Variants in SLC60A1 observed in about 807,000 individuals in gnomAD.
The protein encoded by SLC60A1 is major facilitator superfamily domain containing 4.
chr1:205,580,640 C>CCCCCT, the SLC60A1 span: 1 of 1,588,070 alleles, frequency 6.3e-7, no homozygotes, highest in Non-Finnish European at 8.6e-7. This position sits in a 1 kb window ranked among gnomAD's most constrained non-coding sequence, Gnocchi z 5.0. Context: ...CCCCCACCCG[C>CCCCCT]CACCTCTCCT....
At chr1:205,598,934 C>T in the SLC60A1 span, 1 of 664,916 alleles carries the variant, frequency 1.5e-6, no homozygotes, top group South Asian at 1.9e-5. Context: ...TGCCTTAGAG[C>T]AGGACTTCGG....
At chr1:205,596,648 A>T in the SLC60A1 span, among the ~76,000 whole-genome samples, 2 of 148,866 alleles carry the variant, frequency 1.3e-5, no homozygotes, top group South Asian at 4.4e-4. Flanking sequence ...TGTGTGCTGA[A>T]GCCTGGAGGT....
the SLC60A1 span, among the ~76,000 whole-genome samples, chr1:205,591,869 C>T: frequency 2.0e-5 from 3 of 152,198 alleles, no homozygotes; most frequent in African/African-American, 7.2e-5. Flanking sequence ...CAAATGCTTA[C>T]GCAGCGTGTA....
chr1:205,597,769 CTT>C, the SLC60A1 span: 2 of 1,613,794 alleles, frequency 1.2e-6, no homozygotes, highest in Non-Finnish European at 1.7e-6. Flanking sequence ...CAAACCTTCT[CTT>C]TTTGTTAGGC....
the SLC60A1 span, among the ~76,000 whole-genome samples, chr1:205,590,872 A>G: frequency 1.4e-4 from 22 of 152,198 alleles, no homozygotes; most frequent in African/African-American, 5.1e-4. Flanking sequence ...TGTCTGAAGC[A>G]CCACAGTTTA....
At chr1:205,590,832 A>G in the SLC60A1 span, among the ~76,000 whole-genome samples, 2 of 152,188 alleles carry the variant, frequency 1.3e-5, no homozygotes, top group African/African-American at 4.8e-5. Flanking sequence ...GTCTAAGAAA[A>G]GCCCACAGAG....
At chr1:205,575,932 G>T in the SLC60A1 span, among the ~76,000 whole-genome samples, 1 of 152,268 alleles carries the variant, frequency 6.6e-6, no homozygotes, top group East Asian at 1.9e-4. Context: ...CTGCCACTCT[G>T]CTGGCTTTGC....
At chr1:205,598,657 A>G in the SLC60A1 span, 2 of 157,740 alleles carry the variant, frequency 1.3e-5, no homozygotes, top group African/African-American at 4.8e-5. Context: ...AACCTAGTGC[A>G]GAAAAGAAGT....
At chr1:205,597,826 G>A in the SLC60A1 span, 1 of 1,614,050 alleles carries the variant, frequency 6.2e-7, no homozygotes, top group Non-Finnish European at 8.5e-7. Flanking sequence ...TTGGCGAGAT[G>A]GTGCTGCAGA....
At chr1:205,600,855 T>C in the SLC60A1 span, 2 of 163,354 alleles carry the variant, frequency 1.2e-5, no homozygotes, top group South Asian at 1.8e-4. Flanking sequence ...TTGCTATATG[T>C]AGATATATTT....
the SLC60A1 span, chr1:205,591,995 C>T: frequency 1.4e-4 from 154 of 1,138,716 alleles, no homozygotes; most frequent in Admixed American, 1.2e-3. Flanking sequence ...CCGCCTGGTC[C>T]ACGGGGTGGC....
the SLC60A1 span, chr1:205,601,497 T>A: frequency 1.3e-5 from 2 of 152,240 alleles, no homozygotes; most frequent in African/African-American, 2.4e-5. Context: ...TCCATTTTTT[T>A]CTACTGACAT....
the SLC60A1 span, among the ~76,000 whole-genome samples, chr1:205,570,513 TG>T: frequency 6.6e-6 from 1 of 152,244 alleles, no homozygotes. Flanking sequence ...CTTCCAGAGC[TG>T]GTGGAAGGAG....
At chr1:205,580,626 C>T in the SLC60A1 span, 1 of 1,592,262 alleles carries the variant, frequency 6.3e-7, no homozygotes, top group Non-Finnish European at 8.6e-7. The surrounding 1 kb of genome is among the most constrained non-coding windows in gnomAD (Gnocchi z 5.0). Context: ...AAGACTGACC[C>T]CCACCCCCAC....
the SLC60A1 span, chr1:205,584,900 G>A: frequency 6.2e-7 from 1 of 1,614,108 alleles, no homozygotes; most frequent in Non-Finnish European, 8.5e-7. Context: ...TTCAGCTGCT[G>A]CCAAAGGAAG....
the SLC60A1 span, chr1:205,583,849 G>C: frequency 3.6e-6 from 5 of 1,390,506 alleles, no homozygotes; most frequent in Non-Finnish European, 4.8e-6. Context: ...CCTTAGAAAA[G>C]AGCTGTCTTC....
chr1:205,589,072 A>C, the SLC60A1 span, among the ~76,000 whole-genome samples: 2 of 151,970 alleles, frequency 1.3e-5, no homozygotes, highest in Non-Finnish European at 1.5e-5. Context: ...AACTTCCCCA[A>C]ATTTAGGGAT....
At chr1:205,593,310 A>C in the SLC60A1 span, among the ~76,000 whole-genome samples, 1 of 151,540 alleles carries the variant, frequency 6.6e-6, no homozygotes, top group East Asian at 1.9e-4. Context: ...CTCTACTAAA[A>C]ATACAAAAAA....
At chr1:205,569,111 C>T in the SLC60A1 span, 1 of 1,521,128 alleles carries the variant, frequency 6.6e-7, no homozygotes, top group Non-Finnish European at 8.8e-7. Context: ...TCCGCCGCAA[C>T]CTGCAGCCCA....
Sources: allele counts gnomAD v4.1 joint callset (sites outside exome capture counted in the v4.1 genomes callset), GRCh38; gene constraint gnomAD v4.1.1; non-coding constraint Gnocchi (gnomAD v3.1); transcripts MANE v1.5; gene names NCBI Gene and HGNC (gene_info 2026-07-23, HGNC 2026-07-21).